The following LRRIQ3 variants were observed in gnomAD, a reference collection of about 807,000 sequenced individuals.
The protein encoded by LRRIQ3 is leucine rich repeats and IQ motif containing 3.
Under a neutral mutation model 59.3 loss-of-function variants are expected in LRRIQ3, and 75 were observed. The ratio of observed to expected loss-of-function variants is 1.26; its 90% CI spans 1.05 to 1.53. LRRIQ3 has a LOEUF of 1.53. Ranked by LOEUF, LRRIQ3 falls within the 40% of genes most tolerant of loss-of-function variation. The pLI is 0.00. For synonymous variants in LRRIQ3, 250 were observed against 231.3 expected, an observed-to-expected ratio of 1.08 and a Z score of -0.73; for missense variants, 831 against 710.0, an observed-to-expected ratio of 1.17 and a Z score of -1.94.
At chr1:74,122,312 C>G (rs1314320491) in intron 4 of LRRIQ3, among the ~76,000 whole-genome samples, 1 of 151,968 alleles carries the variant, frequency 6.6e-6, no homozygotes, top group Non-Finnish European at 1.5e-5. Flanking sequence ...AGTTTTGATT[C>G]ACATTTCTCT....
intron 4 of LRRIQ3, among the ~76,000 whole-genome samples, chr1:74,128,481 G>A (rs969331716): frequency 6.6e-6 from 1 of 151,982 alleles, no homozygotes; most frequent in Non-Finnish European, 1.5e-5. Context: ...TGATCTCATA[G>A]GATTCTGGAC....
chr1:74,127,225 C>A (rs1570162932), intron 4 of LRRIQ3, among the ~76,000 whole-genome samples: 1 of 151,826 alleles, frequency 6.6e-6, no homozygotes, highest in African/African-American at 2.4e-5. Flanking sequence ...TATTTTCAGT[C>A]CATGTGTGTC....
intron 6 of LRRIQ3, among the ~76,000 whole-genome samples, chr1:74,051,173 GA>G (rs1418712881): frequency 6.6e-6 from 1 of 152,050 alleles, no homozygotes; most frequent in Non-Finnish European, 1.5e-5. Context: ...TTCTACATGG[GA>G]AAATTGTAAC....
At chr1:74,036,910 G>C (rs1403013422) in intron 7 of LRRIQ3, among the ~76,000 whole-genome samples, 1 of 152,144 alleles carries the variant, frequency 6.6e-6, no homozygotes, top group Non-Finnish European at 1.5e-5. Context: ...GATTAGTGAA[G>C]CTACTTTCGT....
At chr1:74,126,492 A>G (rs966418183) in intron 4 of LRRIQ3, among the ~76,000 whole-genome samples, 13 of 151,876 alleles carry the variant, frequency 8.6e-5, no homozygotes. Flanking sequence ...GCTTATAGCT[A>G]TAAATTTACC....
intron 6 of LRRIQ3, among the ~76,000 whole-genome samples, chr1:74,062,645 C>T (rs1654752754): frequency 6.6e-6 from 1 of 152,042 alleles, no homozygotes; most frequent in Non-Finnish European, 1.5e-5. Context: ...ACATGGAATA[C>T]CATGCAGCCA....
intron 1 of LRRIQ3, among the ~76,000 whole-genome samples, chr1:74,189,956 A>G (rs370854152): frequency 3.0e-4 from 46 of 152,262 alleles, no homozygotes; most frequent in African/African-American, 9.4e-4. Context: ...TTAACAATTC[A>G]AGATAAAATA....
chr1:74,155,947 T>C, intron 3 of LRRIQ3, 81 bp from the exon 4 acceptor site: 3 of 815,658 alleles, frequency 3.7e-6, no homozygotes, highest in Non-Finnish European at 5.2e-6. Flanking sequence ...GGTAATCTAT[T>C]GGTTTAAATA....
In LRRIQ3 at chr1:74,198,049, A is replaced by C; in HGVS notation, c.-54T>G. On this transcript the variant is annotated 5_prime_UTR_variant, in exon 1 of 8. Coordinates refer to ENST00000354431, the MANE Select transcript of LRRIQ3 (RefSeq NM_001105659.2). ...AGTTGGAGACAAGTGGCCCAGCCCC[A>C]ACACAGTCAGACAAATCGCTGGGCG... The C allele has an allele frequency of 1.1e-6, 1 of 889,334 alleles. No homozygotes were observed. Among genetic ancestry groups the C allele is most frequent in the Non-Finnish European group, 1.6e-6 (1 of 610,142 alleles). The allele number at this position is 889,334 out of a possible 1,614,324, so 55.1% of individuals were successfully genotyped here.
At chr1:74,054,735 C>T (rs1654470120) in intron 6 of LRRIQ3, among the ~76,000 whole-genome samples, 1 of 101,612 alleles carries the variant, frequency 9.8e-6, no homozygotes, top group African/African-American at 3.6e-5. Context: ...AGGAAGAAAA[C>T]ACAAATATAT....
At chr1:74,105,584 C>A (rs1483786) in intron 5 of LRRIQ3, among the ~76,000 whole-genome samples, 124,062 of 151,830 alleles carry the variant, frequency 0.82, 52,604 homozygotes, top group East Asian at 0.97. Context: ...TATCTTGTTG[C>A]TATTTTTGAG....
At chr1:74,053,345 A>T (rs1654427573) in intron 6 of LRRIQ3, among the ~76,000 whole-genome samples, 1 of 152,270 alleles carries the variant, frequency 6.6e-6, no homozygotes, top group African/African-American at 2.4e-5. Context: ...CTTCTTTAAA[A>T]AAACCAAAGT....
intron 5 of LRRIQ3, among the ~76,000 whole-genome samples, chr1:74,085,480 A>G (rs899243686): frequency 6.6e-6 from 1 of 152,020 alleles, no homozygotes; most frequent in Non-Finnish European, 1.5e-5. Flanking sequence ...GAGAGAGACT[A>G]ATTTCCCCTA....
At chr1:74,093,764 G>T (rs928345177) in intron 5 of LRRIQ3, among the ~76,000 whole-genome samples, 1 of 152,048 alleles carries the variant, frequency 6.6e-6, no homozygotes, top group Non-Finnish European at 1.5e-5. Context: ...AATGAAGGAA[G>T]GCAGAAAGAA....
chr1:74,136,459 G>T (rs1157941473), intron 4 of LRRIQ3, among the ~76,000 whole-genome samples: 4 of 151,796 alleles, frequency 2.6e-5, no homozygotes, highest in Non-Finnish European at 5.9e-5. Flanking sequence ...TCATTCCAAG[G>T]TACCTCTCTG....
rs1647995018 is a variant in LRRIQ3, at chr1:74,151,785, G to A, written c.707+3948C>T. 2.0e-5 allele frequency among the ~76,000 whole-genome samples: 3 copies of A among 151,938 alleles called. No individual in the cohort carries two copies. In the South Asian group the frequency reaches 6.2e-4, roughly 31 times the overall value. On this transcript the variant is annotated intron_variant, in intron 4 of 7. Coordinates refer to ENST00000354431, the MANE Select transcript of LRRIQ3 (RefSeq NM_001105659.2). ...TAATTGAGTGGCAGAGAAAAACAGTGAAAAGAGAGAGCAAAATATCCACAT... is the reference window on the plus strand; with the variant it reads ...TAATTGAGTGGCAGAGAAAAACAGTAAAAAGAGAGAGCAAAATATCCACAT...
At chr1:74,041,955 A>G in intron 6 of LRRIQ3, 22 bp from the exon 7 acceptor site, 1 of 1,540,892 alleles carries the variant, frequency 6.5e-7, no homozygotes, top group African/African-American at 1.4e-5. Flanking sequence ...AGAAGCAAAT[A>G]TTATACATTA....
chr1:74,130,142 C>T (rs1646991418), intron 4 of LRRIQ3, among the ~76,000 whole-genome samples: 1 of 152,078 alleles, frequency 6.6e-6, no homozygotes, highest in East Asian at 1.9e-4. Flanking sequence ...ACTCCACTGA[C>T]TCTGAGCCAG....
At chr1:74,075,890 C>A (rs1646201974) in intron 5 of LRRIQ3, among the ~76,000 whole-genome samples, 1 of 152,124 alleles carries the variant, frequency 6.6e-6, no homozygotes. Context: ...CCATTTCAGT[C>A]AGAAGTTGGA....
Sources: allele counts gnomAD v4.1 joint callset (sites outside exome capture counted in the v4.1 genomes callset), GRCh38; gene constraint gnomAD v4.1.1; transcripts MANE v1.5; gene names NCBI Gene and HGNC (gene_info 2026-07-23, HGNC 2026-07-21).